Variants in ECE1 observed in about 807,000 individuals in gnomAD.
The protein encoded by ECE1 is endothelin converting enzyme 1.
A neutral mutation model predicts 98.6 loss-of-function variants in ECE1; 35 were observed. The observed-to-expected ratio is 0.35, with a 90% CI of 0.27 to 0.47. ECE1 has a LOEUF of 0.47. ECE1 is among the 20% of genes least tolerant of loss of function. ECE1 has a pLI of 1.00. For synonymous variants in ECE1, 394 were observed against 407.1 expected (o/e 0.97, Z 0.39); for missense variants, 814 against 1,025.3 (o/e 0.79, Z 2.81).
chr1:21,290,731 T>C (rs748501505), upstream of ECE1, among the ~76,000 whole-genome samples: 10 of 152,142 alleles, frequency 6.6e-5, no homozygotes, highest in Non-Finnish European at 1.5e-4. The surrounding 1 kb of genome is among the most constrained non-coding windows in gnomAD (Gnocchi z 7.3). Context: ...ATAACAAAAG[T>C]ATCAGGAAGG....
At chr1:21,232,912 C>G (rs2098183610) in intron 14 of ECE1, among the ~76,000 whole-genome samples, 1 of 152,092 alleles carries the variant, frequency 6.6e-6, no homozygotes, top group Non-Finnish European at 1.5e-5. Context: ...CTCCTGGGTT[C>G]AGGTGATCCA....
chr1:21,229,869 A>C (rs2098179530), intron 14 of ECE1, among the ~76,000 whole-genome samples: 1 of 152,206 alleles, frequency 6.6e-6, no homozygotes, highest in African/African-American at 2.4e-5. Flanking sequence ...TTAGTGTAAC[A>C]GAGTATGAAA....
chr1:21,314,983 C>T (rs755231329), intron 1 of ECE1, among the ~76,000 whole-genome samples: 6 of 152,204 alleles, frequency 3.9e-5, no homozygotes, highest in Non-Finnish European at 7.3e-5. Context: ...CTCTGTGTCC[C>T]ATGCTGCCCC....
chr1:21,223,868 G>C (rs1458906822), intron 17 of ECE1, among the ~76,000 whole-genome samples: 2 of 152,232 alleles, frequency 1.3e-5, no homozygotes, highest in African/African-American at 4.8e-5. Flanking sequence ...AAAGTGCTGG[G>C]ATTATAGGCA....
At chr1:21,283,393 C>T (rs2103347939) in intron 2 of ECE1, among the ~76,000 whole-genome samples, 1 of 152,112 alleles carries the variant, frequency 6.6e-6, no homozygotes, top group Middle Eastern at 3.4e-3. Flanking sequence ...GCCTCAGCGT[C>T]CCGAGTAGCT....
In ECE1 at chr1:21,330,689, G is replaced by C. The variant is rs78970776; in HGVS notation, c.3+14687C>G. Among the ~76,000 whole-genome samples the C allele has an allele frequency of 1.0e-3, 152 of 152,294 alleles. 2 individuals are homozygous for C. The East Asian group carries it at 0.025, about 25-fold the overall frequency. ...TGAATGCCAACTTTTTCAGCCTTCT[G>C]AGTTTCCTTTCTCTCCCCATTAAAT... is the stretch of plus-strand genomic sequence containing the variant. On this transcript the variant is annotated intron_variant, in intron 1 of 18. Transcript: ENST00000415912.
At chr1:21,286,647 A>G (rs1158326283) in intron 2 of ECE1, among the ~76,000 whole-genome samples, 1 of 152,160 alleles carries the variant, frequency 6.6e-6, no homozygotes, top group Non-Finnish European at 1.5e-5. Flanking sequence ...AAGAAAAAGA[A>G]CAGGTTAGGC....
chr1:21,265,489 G>A (rs1014748917), intron 4 of ECE1, among the ~76,000 whole-genome samples: 3 of 152,152 alleles, frequency 2.0e-5, no homozygotes, highest in Non-Finnish European at 2.9e-5. Flanking sequence ...CCGAGATAGC[G>A]CCACTGTACT....
intron 1 of ECE1, among the ~76,000 whole-genome samples, chr1:21,344,579 C>A (rs566065659): frequency 3.3e-4 from 51 of 152,312 alleles, no homozygotes; most frequent in African/African-American, 1.1e-3. Context: ...ACAGCCCCCC[C>A]CCAGGAAGCC....
chr1:21,279,448 T>C lies in ECE1; in HGVS notation c.139-116A>G, dbSNP rs1177371431. The C allele has an allele frequency of 2.5e-6, 4 of 1,571,792 alleles. No individual in the cohort carries two copies. In the South Asian group the frequency reaches 4.6e-5, roughly 18 times the overall value. ...CTGGAGAGGCATCAGGGCTGCCTCC[T>C]GTCTCAGGGGTGGTCTGGTTCCCAC... On this transcript the variant is annotated intron_variant, in intron 2 of 18. Coordinates refer to ENST00000374893, the MANE Select transcript of ECE1 (RefSeq NM_001397.3).
Position 21,341,557 on chromosome 1 carries a change from T to G in ECE1, c.3+3819A>C, listed in dbSNP as rs150579618. Among the ~76,000 whole-genome samples the G allele has an allele frequency of 7.0e-3, 1,061 of 152,344 alleles. 17 individuals are homozygous for G. Among genetic ancestry groups the G allele is most frequent in the African/African-American group, 0.024 (983 of 41,584 alleles). On this transcript the variant is annotated intron_variant, in intron 1 of 18. Coordinates refer to the ECE1 transcript ENST00000415912. ...CATGCCTCAAATCCTGTTCTTCCCC[T>G]GGCCTCCCCAACTCTGCAGGGAAAA...
At chr1:21,278,883 A>G (rs1449528644) in intron 3 of ECE1, among the ~76,000 whole-genome samples, 1 of 152,162 alleles carries the variant, frequency 6.6e-6, no homozygotes, top group Non-Finnish European at 1.5e-5. Context: ...CCCATCCCCC[A>G]GTTGGGTACT....
chr1:21,288,478 G>A (rs749619472), intron 2 of ECE1, among the ~76,000 whole-genome samples: 2 of 152,188 alleles, frequency 1.3e-5, no homozygotes, highest in African/African-American at 4.8e-5. Flanking sequence ...CTTCAGAGAC[G>A]GGGCTCCTCC....
intron 1 of ECE1, among the ~76,000 whole-genome samples, chr1:21,334,584 C>T (rs781342480): frequency 2.6e-5 from 4 of 152,188 alleles, no homozygotes; most frequent in Non-Finnish European, 4.4e-5. Flanking sequence ...CAGCTCAATG[C>T]CCTCTGGCTC....
rs115586759 is a variant in ECE1 at position 21,337,301 on chromosome 1, T to C, written c.3+8075A>G. ...ACACGGACAAACCTCAAACATTCCTTGCTGTCCAAAGCTGAAGAAAACCAG... is the reference window on the plus strand; with the variant it reads ...ACACGGACAAACCTCAAACATTCCTCGCTGTCCAAAGCTGAAGAAAACCAG... On this transcript the variant is annotated intron_variant, in intron 1 of 18. Transcript: ENST00000415912. Among the ~76,000 whole-genome samples, 1,422 of 152,204 alleles carry C rather than the reference T, an allele frequency of 9.3e-3. 16 individuals carry two copies. Among genetic ancestry groups the C allele is most frequent in the African/African-American group, 0.031 (1,308 of 41,540 alleles).
Position 21,235,960 on chromosome 1 carries a change from G to A in ECE1, c.1489-33C>T, listed in dbSNP as rs747010525. 28 of 1,604,770 alleles carry A rather than the reference G, an allele frequency of 1.7e-5. No homozygotes were observed. The highest frequency in any genetic ancestry group is 4.5e-5 in the East Asian group (2 of 44,862). ...GGACAGACAGAGGAAGTGAGTGCCC[G>A]GCAACATCGACCAGGCCAGCCTGAG... On this transcript the variant is annotated intron_variant, in intron 12 of 18. Coordinates refer to ENST00000374893, the MANE Select transcript of ECE1 (RefSeq NM_001397.3). This position sits in a 1 kb window ranked among gnomAD's most constrained non-coding sequence, Gnocchi z 4.2.
chr1:21,224,162 G>A (rs2098170873), intron 17 of ECE1, among the ~76,000 whole-genome samples: 1 of 151,952 alleles, frequency 6.6e-6, no homozygotes, highest in African/African-American at 2.4e-5. Flanking sequence ...CTTTTCCCAG[G>A]CTCTTCCTCA....
intron 10 of ECE1, among the ~76,000 whole-genome samples, chr1:21,244,503 G>C (rs747017354): frequency 2.0e-5 from 3 of 152,166 alleles, no homozygotes; most frequent in Non-Finnish European, 4.4e-5. Flanking sequence ...GGGCAGGGAA[G>C]GTCCCTGAAG....
chr1:21,313,882 T>C (rs1638778236), intron 1 of ECE1, among the ~76,000 whole-genome samples: 1 of 151,880 alleles, frequency 6.6e-6, no homozygotes, highest in Admixed American at 6.5e-5. Context: ...GGCACAGGAA[T>C]GTCCCGGCTC....
Sources: gnomAD v4.1 joint callset for allele counts (sites outside exome capture counted in the v4.1 genomes callset) on GRCh38, gnomAD v4.1.1 for gene constraint, Gnocchi (gnomAD v3.1) non-coding constraint, MANE v1.5 for transcripts, NCBI Gene and HGNC (gene_info 2026-07-23, HGNC 2026-07-21) for gene names.